DOCK10: variants seen among roughly 807,000 people sequenced by gnomAD.
DOCK10 encodes dedicator of cytokinesis protein 10.
In DOCK10, 145 loss-of-function variants were observed where a neutral mutation model predicts 280.1. That is an observed-to-expected ratio of 0.52 (90% CI 0.45 to 0.59). The LOEUF (loss-of-function observed/expected upper bound fraction) is 0.59. Among genes scored for constraint, DOCK10 ranks in the 20% least tolerant of loss-of-function variants. The probability of loss-of-function intolerance (pLI) is 0.00; values close to 1 mark genes in which losing one functional copy is unlikely to be tolerated. For missense variants in DOCK10, 2,368 were observed against 2,651.7 expected, an observed-to-expected ratio of 0.89 and a Z score of 2.35; for synonymous variants, 915 against 942.2, an observed-to-expected ratio of 0.97 and a Z score of 0.53.
In DOCK10 at chr2:224,862,715, T is replaced by C. The variant is rs1253715065; in HGVS notation, c.1634A>G (p.Gln545Arg). ...GTATTTTCCCAATTTGCTGCAGAAT[T>C]GTCTGTTGGATTTTAGTATCTTTTG... ...YAQKILKSNR[Q>R]FCSKLGKYRM... The change falls in exon 14 of 56, where the codon CAA becomes CGA. Residue 545 changes from glutamine to arginine, a missense_variant. By Grantham distance (43) the Gln-to-Arg change is conservative. Transcript: ENST00000258390. The C allele has an allele frequency of 6.2e-7, 1 of 1,610,676 alleles. No homozygotes were observed. Among genetic ancestry groups the C allele is most frequent in the Admixed American group, 1.7e-5 (1 of 59,618 alleles).
At chr2:224,884,284 A>G (rs1699148890) in intron 7 of DOCK10, among the ~76,000 whole-genome samples, 1 of 152,210 alleles carries the variant, frequency 6.6e-6, no homozygotes, top group Admixed American at 6.5e-5. Context: ...AGAGAACTCT[A>G]CTTGCATCCA....
chr2:225,012,435 ATAATTTTGTAC>A (rs1194612927), intron 1 of DOCK10, among the ~76,000 whole-genome samples: 2 of 152,236 alleles, frequency 1.3e-5, no homozygotes, highest in Non-Finnish European at 2.9e-5. Flanking sequence ...TATTTCAGTA[ATAATTTTGTAC>A]TAAATTCCAT....
intron 11 of DOCK10, among the ~76,000 whole-genome samples, chr2:224,870,122 A>G (rs1310692140): frequency 1.3e-5 from 2 of 152,178 alleles, no homozygotes; most frequent in Non-Finnish European, 2.9e-5. Flanking sequence ...TGTTCTCATG[A>G]TAGTGAGTGA....
rs193135830 is a variant in DOCK10 at position 224,895,303 on chromosome 2, G to A, written c.416+992C>T. ...AGTGGTTCCCAATTCTGTACCATGT[G>A]TCTATTAAAAATTAGATCCAATGTG... On this transcript the variant is annotated intron_variant, in intron 4 of 55. Coordinates refer to ENST00000258390, the MANE Select transcript of DOCK10 (RefSeq NM_014689.3). Among the ~76,000 whole-genome samples, 72 of 152,322 alleles carry A rather than the reference G, an allele frequency of 4.7e-4. 1 individual carries two copies. Among genetic ancestry groups the A allele is most frequent in the Admixed American group, 2.5e-3 (39 of 15,300 alleles).
chr2:224,874,711 C>T lies in DOCK10; in HGVS notation c.972G>A (p.Glu324=). Residue 324 remains glutamate (E), a synonymous_variant, in exon 9 of 56, where the codon GAG becomes GAA. Coordinates refer to ENST00000258390, the MANE Select transcript of DOCK10 (RefSeq NM_014689.3). ...GGTTGTTCTCTGAAGAATCTGTTTC[C>T]TCTGGCGTGCATTCACAAGTTACAG... ...DNSVTCECTP[E]ETDSSENNLH... is the part of the protein sequence containing the mutation. The T allele has an allele frequency of 6.2e-7, 1 of 1,613,932 alleles. No individual in the cohort carries two copies. Among genetic ancestry groups the T allele is most frequent in the Non-Finnish European group, 8.5e-7 (1 of 1,179,860 alleles).
intron 39 of DOCK10, among the ~76,000 whole-genome samples, chr2:224,803,227 TAAAC>T (rs563873274): frequency 4.3e-4 from 66 of 152,260 alleles, no homozygotes; most frequent in African/African-American, 1.5e-3. Flanking sequence ...CTATTATTAT[TAAAC>T]ATGGAAACTA....
chr2:224,884,359 G>A (rs1354467984), intron 7 of DOCK10, among the ~76,000 whole-genome samples: 6 of 152,182 alleles, frequency 3.9e-5, no homozygotes, highest in Non-Finnish European at 8.8e-5. Flanking sequence ...CTAGGTGAAT[G>A]CTGAGGTTTG....
At chr2:224,836,701 G>A (rs1275635056) in intron 25 of DOCK10, among the ~76,000 whole-genome samples, 9 of 151,584 alleles carry the variant, frequency 5.9e-5, no homozygotes, top group Middle Eastern at 6.8e-3. Context: ...CCGGGTTCAC[G>A]CCATTCTGCA....
chr2:224,983,126 A>C (rs1705831786), intron 1 of DOCK10, among the ~76,000 whole-genome samples: 1 of 152,218 alleles, frequency 6.6e-6, no homozygotes, highest in Admixed American at 6.5e-5. Context: ...GAGGTCACTG[A>C]GCAAGCTCCG....
At chr2:224,797,728 C>A in intron 42 of DOCK10, 104 bp downstream of exon 42, 1 of 1,324,654 alleles carries the variant, frequency 7.5e-7, no homozygotes. Context: ...GAAAACAATC[C>A]TTCTTCCCTC....
At position 224,770,394 on chromosome 2, in the gene DOCK10, T is replaced by C; in HGVS notation, c.6306-45A>G. On this transcript the variant is annotated intron_variant, in intron 54 of 55. Coordinates refer to ENST00000258390, the MANE Select transcript of DOCK10 (RefSeq NM_014689.3). This position sits in a 1 kb window ranked among gnomAD's most constrained non-coding sequence, Gnocchi z 4.5. ...CAAATTAAAAACCAGCCCTCGGAAG[T>C]GGCATTGAGCTCAGTGACTGTGAGT... 2 of 1,564,474 alleles carry C rather than the reference T, an allele frequency of 1.3e-6. No individual in the cohort carries two copies. Among genetic ancestry groups the C allele is most frequent in the Non-Finnish European group, 1.7e-6 (2 of 1,154,396 alleles).
At chr2:224,793,878 T>C (rs1351002449) in intron 45 of DOCK10, among the ~76,000 whole-genome samples, 1 of 152,186 alleles carries the variant, frequency 6.6e-6, no homozygotes, top group East Asian at 1.9e-4. Flanking sequence ...CCCCTCTGAA[T>C]TTGTGTTGCC....
intron 27 of DOCK10, among the ~76,000 whole-genome samples, chr2:224,826,256 G>T (rs1694843018): frequency 6.6e-6 from 1 of 152,090 alleles, no homozygotes; most frequent in South Asian, 2.1e-4. Flanking sequence ...TAGAGATGGG[G>T]TTTTGCCATT....
At chr2:224,921,102 AAAAAAAAAAAAT>A (rs1418735153) in intron 2 of DOCK10, among the ~76,000 whole-genome samples, 1 of 41,268 alleles carries the variant, frequency 2.4e-5, no homozygotes, top group African/African-American at 1.3e-4. Flanking sequence ...TAAAAAAAAA[AAAAAAAAAAAAT>A]ATATATATAT....
At chr2:224,986,121 CAT>C (rs1202513705) in intron 1 of DOCK10, among the ~76,000 whole-genome samples, 1 of 152,196 alleles carries the variant, frequency 6.6e-6, no homozygotes, top group Non-Finnish European at 1.5e-5. Context: ...TCTTCTGACA[CAT>C]AATGCTGACC....
chr2:224,845,197 C>A lies in DOCK10; in HGVS notation c.2481+6G>T. 1 of 1,566,926 alleles carries A rather than the reference C, an allele frequency of 6.4e-7. No homozygotes were observed. Among genetic ancestry groups the A allele is most frequent in the Non-Finnish European group, 8.7e-7 (1 of 1,154,216 alleles). On this transcript the variant is annotated splice_donor_region_variant and intron_variant, in intron 21 of 55. Transcript: ENST00000258390. Reference sequence around the variant, plus strand: ...TTAAAATCTTAAATTACACATTATTCAATACCTTTCCACTTGCAGAATCTT... The same window carrying A: ...TTAAAATCTTAAATTACACATTATTAAATACCTTTCCACTTGCAGAATCTT...
chr2:224,844,722 A>G (rs765951257), intron 22 of DOCK10, 31 bp downstream of exon 22: 75 of 1,333,228 alleles, frequency 5.6e-5, no homozygotes, highest in Non-Finnish European at 7.5e-5. Flanking sequence ...GAGTTAGAGA[A>G]GATGCTAGTA....
At chr2:225,021,176 T>G (rs775740667) in intron 1 of DOCK10, among the ~76,000 whole-genome samples, 2 of 152,200 alleles carry the variant, frequency 1.3e-5, no homozygotes, top group Non-Finnish European at 2.9e-5. Flanking sequence ...ATTGAGCCCA[T>G]GTCCCAAGGA....
intron 7 of DOCK10, 76 bp downstream of exon 7, chr2:224,885,595 A>C: frequency 7.0e-7 from 1 of 1,420,526 alleles, no homozygotes; most frequent in African/African-American, 1.4e-5. Context: ...CTCATATCAG[A>C]TACTCCATGA....
Sources: allele counts gnomAD v4.1 joint callset (sites outside exome capture counted in the v4.1 genomes callset), GRCh38; gene constraint gnomAD v4.1.1; non-coding constraint Gnocchi (gnomAD v3.1); transcripts MANE v1.5; gene names NCBI Gene and HGNC (gene_info 2026-07-23, HGNC 2026-07-21).